Variants in HYAL4 observed in about 807,000 individuals in gnomAD.
HYAL4 encodes hyaluronidase-4.
HYAL4 carries 37 observed loss-of-function variants against 35.2 expected under a neutral mutation model. The ratio of observed to expected loss-of-function variants is 1.05; its 90% CI spans 0.81 to 1.38. HYAL4 has a LOEUF of 1.38. HYAL4 is among the 40% of genes most tolerant of loss of function. The probability of loss-of-function intolerance (pLI) is 0.00; values close to 1 mark genes in which losing one functional copy is unlikely to be tolerated. For synonymous variants in HYAL4, 198 were observed against 203.2 expected (o/e 0.97, Z 0.22); for missense variants, 572 against 572.4 (o/e 1.00, Z 0.01).
chr7:123,805,510 G>C, the HYAL4 span, among the ~76,000 whole-genome samples: 1 of 152,212 alleles, frequency 6.6e-6, no homozygotes, highest in Non-Finnish European at 1.5e-5. Flanking sequence ...GAAATGTAAA[G>C]TGTGAATAAC....
Position 123,877,460 on chromosome 7 carries a change from TTAAA to T in HYAL4, c.*307_*310del, listed in dbSNP as rs1807058887. 8 of 218,364 alleles carry T rather than the reference TTAAA, an allele frequency of 3.7e-5. No homozygotes were observed. In the South Asian group the frequency reaches 8.5e-4, roughly 23 times the overall value. The allele number at this position is 218,364 out of a possible 1,614,324, so 13.5% of individuals were successfully genotyped here. On this transcript the variant is annotated 3_prime_UTR_variant, in exon 5 of 5. Coordinates refer to ENST00000223026, the MANE Select transcript of HYAL4 (RefSeq NM_012269.3). ...ATACATAAAATTATACATAAAAATA[TTAAA>T]TTATTCATTTCAAAGACTGTTTTTT...
rs190186307 is a variant in HYAL4, at chr7:123,834,564, A to T, written c.-257+5440A>T. Among the ~76,000 whole-genome samples, 468 of 151,860 alleles carry T rather than the reference A, an allele frequency of 3.1e-3. 2 individuals carry two copies. The highest frequency in any genetic ancestry group is 0.011 in the African/African-American group (440 of 41,486). ...ATTGACTTCCTCTTTACCGATTTGGATGTTATTTCTTTCTCTTGTCTGATT... is the reference window on the plus strand; with the variant it reads ...ATTGACTTCCTCTTTACCGATTTGGTTGTTATTTCTTTCTCTTGTCTGATT... On this transcript the variant is annotated intron_variant, in intron 1 of 4. Coordinates refer to the HYAL4 transcript ENST00000489978.
chr7:123,842,259 G>T (rs1189396893), upstream of HYAL4, among the ~76,000 whole-genome samples: 1 of 152,006 alleles, frequency 6.6e-6, no homozygotes, highest in South Asian at 2.1e-4. Flanking sequence ...TATTCACCCA[G>T]TAGTCATTTA....
chr7:123,838,859 AT>A (rs991161423), intron 1 of HYAL4, among the ~76,000 whole-genome samples: 24 of 151,998 alleles, frequency 1.6e-4, no homozygotes, highest in African/African-American at 5.8e-4. Context: ...AATTGGGTTA[AT>A]TTGAAAACCT....
chr7:123,794,460 G>A, the HYAL4 span, among the ~76,000 whole-genome samples: 1 of 152,198 alleles, frequency 6.6e-6, no homozygotes, highest in African/African-American at 2.4e-5. Flanking sequence ...AGGCCTAGGA[G>A]GGAAAAATTG....
At chr7:123,825,570 T>G (rs768994413), upstream of HYAL4, among the ~76,000 whole-genome samples, 3 of 152,126 alleles carry the variant, frequency 2.0e-5, no homozygotes, top group Middle Eastern at 3.2e-3. Flanking sequence ...GGGGATATCT[T>G]TGTTTAGGGT....
At chr7:123,835,141 A>G (rs1413132663) in intron 1 of HYAL4, among the ~76,000 whole-genome samples, 1 of 152,062 alleles carries the variant, frequency 6.6e-6, no homozygotes, top group African/African-American at 2.4e-5. Context: ...CTTGTGGAAT[A>G]GTGTCAATAA....
At chr7:123,870,150 T>C (rs989844283) in intron 3 of HYAL4, among the ~76,000 whole-genome samples, 1 of 152,226 alleles carries the variant, frequency 6.6e-6, no homozygotes, top group Non-Finnish European at 1.5e-5. Context: ...TCTCCACCAT[T>C]ACAAATTTCA....
At chr7:123,772,459 G>A in the HYAL4 span, among the ~76,000 whole-genome samples, 2 of 152,142 alleles carry the variant, frequency 1.3e-5, no homozygotes, top group Non-Finnish European at 2.9e-5. Flanking sequence ...AGTGACACAT[G>A]GGACTTGTCA....
At chr7:123,841,842 C>T (rs1034607734), upstream of HYAL4, among the ~76,000 whole-genome samples, 3 of 151,830 alleles carry the variant, frequency 2.0e-5, no homozygotes, top group Admixed American at 6.6e-5. Flanking sequence ...GGTGATATCC[C>T]GTTTATCATT....
intron 2 of HYAL4, among the ~76,000 whole-genome samples, chr7:123,848,783 G>A (rs1018239648): frequency 5.9e-5 from 9 of 152,136 alleles, no homozygotes; most frequent in African/African-American, 2.2e-4. Context: ...CAATACAAGA[G>A]GACTGTTTGT....
the HYAL4 span, among the ~76,000 whole-genome samples, chr7:123,812,932 A>C: frequency 6.6e-6 from 1 of 152,204 alleles, no homozygotes; most frequent in African/African-American, 2.4e-5. Flanking sequence ...CACACTCCAC[A>C]TGAAGGCAAT....
At chr7:123,865,725 G>T (rs778933348) in intron 2 of HYAL4, among the ~76,000 whole-genome samples, 9 of 152,154 alleles carry the variant, frequency 5.9e-5, no homozygotes, top group Admixed American at 1.3e-4. Context: ...GTGGTTAGAC[G>T]TGATAATTAC....
the HYAL4 span, among the ~76,000 whole-genome samples, chr7:123,803,948 C>G: frequency 2.6e-5 from 4 of 152,138 alleles, no homozygotes; most frequent in African/African-American, 9.7e-5. Flanking sequence ...TTGATAGCTC[C>G]ACGTTTTGAA....
At chr7:123,845,852 G>A (rs969989153) in intron 1 of HYAL4, among the ~76,000 whole-genome samples, 167 bp downstream of exon 1, 12 of 152,208 alleles carry the variant, frequency 7.9e-5, no homozygotes, top group African/African-American at 2.9e-4. Flanking sequence ...TTCTCTTGCT[G>A]TAGTATTCTC....
chr7:123,765,306 G>A, the HYAL4 span, among the ~76,000 whole-genome samples: 1 of 152,132 alleles, frequency 6.6e-6, no homozygotes, highest in Non-Finnish European at 1.5e-5. Flanking sequence ...TTTCTAAGAA[G>A]GGTTAGGGAA....
chr7:123,771,205 A>G, the HYAL4 span, among the ~76,000 whole-genome samples: 1 of 152,200 alleles, frequency 6.6e-6, no homozygotes, highest in African/African-American at 2.4e-5. Flanking sequence ...CAACTGACAA[A>G]TAAATAAAGG....
intron 1 of HYAL4, among the ~76,000 whole-genome samples, chr7:123,832,709 G>T (rs901016981): frequency 6.6e-6 from 1 of 151,528 alleles, no homozygotes; most frequent in African/African-American, 2.4e-5. Context: ...CACTGTGTTA[G>T]CCAGGATGGT....
chr7:123,776,358 T>C, the HYAL4 span, among the ~76,000 whole-genome samples: 1 of 152,176 alleles, frequency 6.6e-6, no homozygotes. Context: ...TTCTTGATCT[T>C]GTATTAAATT....
Sources: allele counts gnomAD v4.1 joint callset (sites outside exome capture counted in the v4.1 genomes callset), GRCh38; gene constraint gnomAD v4.1.1; transcripts MANE v1.5; gene names NCBI Gene and HGNC (gene_info 2026-07-23, HGNC 2026-07-21).